The following CLNK variants were observed in gnomAD, a reference collection of about 807,000 sequenced individuals.
CLNK encodes cytokine-dependent hematopoietic cell linker.
CLNK carries 74 observed loss-of-function variants against 68.6 expected under a neutral mutation model. The ratio of observed to expected loss-of-function variants is 1.08; its 90% CI spans 0.89 to 1.31. The LOEUF (loss-of-function observed/expected upper bound fraction) is 1.31. CLNK is among the 50% of genes most tolerant of loss of function. CLNK has a pLI of 0.00. For synonymous variants in CLNK, 198 were observed against 172.2 expected (o/e 1.15, Z -1.17); for missense variants, 553 against 515.3 (o/e 1.07, Z -0.71).
chr4:10,680,561 C>G (rs926688152), intron 1 of CLNK, among the ~76,000 whole-genome samples: 16 of 152,032 alleles, frequency 1.1e-4, no homozygotes, highest in Middle Eastern at 6.8e-3. Flanking sequence ...GGCCAAGAAT[C>G]TAAGGAAGGT....
intron 2 of CLNK, among the ~76,000 whole-genome samples, chr4:10,649,399 C>A (rs1723642019): frequency 6.6e-6 from 1 of 152,156 alleles, no homozygotes; most frequent in African/African-American, 2.4e-5. Flanking sequence ...AAGCAAAGAA[C>A]TGAAATCGCT....
the CLNK span, among the ~76,000 whole-genome samples, chr4:10,733,841 C>A: frequency 1.3e-5 from 2 of 152,196 alleles, no homozygotes; most frequent in Non-Finnish European, 2.9e-5. Flanking sequence ...TGTGTTCCAG[C>A]CCCAGAGAGT....
At chr4:10,550,497 A>G (rs2108813802) in intron 8 of CLNK, among the ~76,000 whole-genome samples, 1 of 152,308 alleles carries the variant, frequency 6.6e-6, no homozygotes, top group East Asian at 1.9e-4. Flanking sequence ...TCTGTCTCAA[A>G]AAAAATAAAT....
At chr4:10,704,270 A>G in the CLNK span, among the ~76,000 whole-genome samples, 7 of 152,124 alleles carry the variant, frequency 4.6e-5, no homozygotes, top group African/African-American at 1.4e-4. Context: ...GCTTCTGTAA[A>G]ATGCCATTTC....
chr4:10,547,661 G>A (rs1009314014), intron 8 of CLNK, among the ~76,000 whole-genome samples: 1 of 151,922 alleles, frequency 6.6e-6, no homozygotes, highest in African/African-American at 2.4e-5. Flanking sequence ...CCTCCTCCTT[G>A]CTCCTGGCAG....
chr4:10,676,992 T>G (rs948736854), intron 1 of CLNK, among the ~76,000 whole-genome samples: 1 of 151,690 alleles, frequency 6.6e-6, no homozygotes, highest in Non-Finnish European at 1.5e-5. Context: ...TTTTTTTTTT[T>G]TTGGCTTCCA....
chr4:10,656,885 A>C (rs1035506293), intron 2 of CLNK, among the ~76,000 whole-genome samples: 21 of 152,222 alleles, frequency 1.4e-4, no homozygotes, highest in African/African-American at 4.6e-4. Flanking sequence ...AATGGAAATA[A>C]ATATGGCTAT....
intron 14 of CLNK, among the ~76,000 whole-genome samples, chr4:10,521,284 T>G (rs556818833): frequency 6.6e-6 from 1 of 152,230 alleles, no homozygotes; most frequent in South Asian, 2.1e-4. Context: ...GTAAGAAAAC[T>G]TAGTGGATTA....
chr4:10,562,005 G>A (rs1331733522), intron 7 of CLNK, among the ~76,000 whole-genome samples: 1 of 152,050 alleles, frequency 6.6e-6, no homozygotes, highest in Non-Finnish European at 1.5e-5. Context: ...TCATGGAGAT[G>A]TCCTCTGTGG....
chr4:10,572,615 G>A (rs1720396408), intron 4 of CLNK, among the ~76,000 whole-genome samples: 1 of 152,116 alleles, frequency 6.6e-6, no homozygotes, highest in African/African-American at 2.4e-5. Context: ...TAGCACATAT[G>A]TGAGAAGTTT....
At chr4:10,570,278 T>C (rs1488991898) in intron 5 of CLNK, among the ~76,000 whole-genome samples, 1 of 152,126 alleles carries the variant, frequency 6.6e-6, no homozygotes, top group Non-Finnish European at 1.5e-5. Flanking sequence ...ATACCTTTGC[T>C]AGACTTGGTA....
intron 2 of CLNK, among the ~76,000 whole-genome samples, chr4:10,614,674 C>G (rs1414969058): frequency 1.3e-5 from 2 of 152,230 alleles, no homozygotes; most frequent in African/African-American, 4.8e-5. Context: ...TCTGTGTGCA[C>G]ATTCAAGTTG....
intron 7 of CLNK, among the ~76,000 whole-genome samples, chr4:10,563,846 G>T (rs1719994467): frequency 6.6e-6 from 1 of 152,166 alleles, no homozygotes; most frequent in South Asian, 2.1e-4. Context: ...GGTGGAGGTT[G>T]CAGTGAACTG....
intron 2 of CLNK, among the ~76,000 whole-genome samples, chr4:10,662,305 C>T (rs1318370565): frequency 6.6e-6 from 1 of 152,206 alleles, no homozygotes; most frequent in Non-Finnish European, 1.5e-5. Context: ...AAATAAAATA[C>T]AGGTTCGCCA....
intron 2 of CLNK, among the ~76,000 whole-genome samples, chr4:10,616,877 A>C (rs916687523): frequency 6.6e-6 from 1 of 150,492 alleles, no homozygotes; most frequent in Non-Finnish European, 1.5e-5. Flanking sequence ...ATTTGCCAGA[A>C]CACCACTGGC....
intron 8 of CLNK, among the ~76,000 whole-genome samples, chr4:10,547,606 A>G (rs984560103): frequency 1.3e-5 from 2 of 152,154 alleles, no homozygotes; most frequent in East Asian, 1.9e-4. Flanking sequence ...TTTGTGCACC[A>G]TAACTGAAAC....
At chr4:10,646,382 G>A (rs1723511839) in intron 2 of CLNK, among the ~76,000 whole-genome samples, 1 of 152,178 alleles carries the variant, frequency 6.6e-6, no homozygotes, top group Non-Finnish European at 1.5e-5. Context: ...GAGAGCTTTG[G>A]CATTTTAAGG....
intron 2 of CLNK, among the ~76,000 whole-genome samples, chr4:10,599,625 G>A (rs899636076): frequency 1.3e-5 from 2 of 152,010 alleles, no homozygotes; most frequent in Non-Finnish European, 2.9e-5. Flanking sequence ...GCAGACACAG[G>A]CCTTTTTCCT....
chr4:10,660,798 CT>C (rs1460854900), intron 2 of CLNK, among the ~76,000 whole-genome samples: 7 of 152,230 alleles, frequency 4.6e-5, no homozygotes, highest in Non-Finnish European at 7.3e-5. Flanking sequence ...CCAACCACAC[CT>C]GCTGCTCCTG....
Sources: allele counts gnomAD v4.1 joint callset (sites outside exome capture counted in the v4.1 genomes callset), GRCh38; gene constraint gnomAD v4.1.1; transcripts MANE v1.5; gene names NCBI Gene and HGNC (gene_info 2026-07-23, HGNC 2026-07-21).